LAMA2: variants seen among roughly 807,000 people sequenced by gnomAD.
LAMA2 encodes the protein laminin subunit alpha 2.
LAMA2 carries 269 observed loss-of-function variants against 364.8 expected under a neutral mutation model. The observed-to-expected ratio is 0.74, with a 90% CI of 0.67 to 0.82. The LOEUF (loss-of-function observed/expected upper bound fraction) is 0.82. Among genes scored for constraint, LAMA2 ranks in the 40% least tolerant of loss-of-function variants. LAMA2 has a pLI of 0.00. For missense variants in LAMA2, 3,807 were observed against 3,873.2 expected, an observed-to-expected ratio of 0.98 and a Z score of 0.45; for synonymous variants, 1,379 against 1,370.6, an observed-to-expected ratio of 1.01 and a Z score of -0.14.
chr6:128,908,890 T>G (rs1463022076), intron 1 of LAMA2, among the ~76,000 whole-genome samples: 8 of 148,138 alleles, frequency 5.4e-5, no homozygotes, highest in African/African-American at 1.0e-4. Context: ...CATTTCGTTA[T>G]GTACCCAGTA....
chr6:129,262,488 G>GA (rs1182716733), intron 15 of LAMA2, among the ~76,000 whole-genome samples: 12 of 148,530 alleles, frequency 8.1e-5, no homozygotes, highest in South Asian at 2.1e-4. Flanking sequence ...ATTTGAGTGT[G>GA]AAAAAAAAAG....
chr6:129,089,307 T>C (rs1774657440), intron 3 of LAMA2, among the ~76,000 whole-genome samples: 1 of 152,248 alleles, frequency 6.6e-6, no homozygotes, highest in African/African-American at 2.4e-5. Flanking sequence ...AGTCCCCAAA[T>C]GCTTTGAACT....
chr6:129,344,763 G>A (rs545098818), intron 30 of LAMA2, among the ~76,000 whole-genome samples: 4 of 152,166 alleles, frequency 2.6e-5, no homozygotes, highest in African/African-American at 9.7e-5. Flanking sequence ...TGACACCAAG[G>A]GAGAGAAGAG....
intron 40 of LAMA2, among the ~76,000 whole-genome samples, chr6:129,410,250 A>G (rs1780461220): frequency 6.6e-6 from 1 of 151,696 alleles, no homozygotes; most frequent in Non-Finnish European, 1.5e-5. Flanking sequence ...CCCTTTCTCT[A>G]AGTCAGTGGA....
rs754852588 is a variant in LAMA2, at chr6:129,393,222, T to G, written c.5412T>G (p.Phe1804Leu). The change falls in exon 37 of 65, where the codon TTT (phenylalanine) becomes TTG (leucine). Residue 1804 changes from phenylalanine to leucine, a missense_variant. Physicochemically the swap from Phe to Leu is conservative, Grantham distance 22 (BLOSUM62 0). Around this residue, in one of 3 missense-constraint regions of LAMA2, gnomAD observed 3,333 missense variants for 3,345.7 expected, o/e 1.00. Transcript: ENST00000421865. ...AAATCAGAGAAGCTAATCGCCTATT[T>G]GCAGTAAATCAGAAAAACATGACTG... ...TDKIREANRL[F>L]AVNQKNMTAL... 6.2e-7 allele frequency: 1 copy of G among 1,614,020 alleles called. No individual in the cohort carries two copies. The highest frequency in any genetic ancestry group is 8.5e-7 in the Non-Finnish European group (1 of 1,179,924).
intron 35 of LAMA2, among the ~76,000 whole-genome samples, chr6:129,385,734 C>A (rs558659711): frequency 6.6e-6 from 1 of 152,262 alleles, no homozygotes; most frequent in African/African-American, 2.4e-5. Flanking sequence ...AATGAGTGGA[C>A]ATAGGTAAAC....
rs1319754070 is a variant in LAMA2, at chr6:129,478,565, CGT to C, written c.7452-124_7452-123del. 3.2e-6 allele frequency: 3 copies of C among 934,384 alleles called. No individual in the cohort carries two copies. The African/African-American group carries it at 4.9e-5, about 15-fold the overall frequency. The allele number at this position is 934,384 out of a possible 1,614,324, so 57.9% of individuals were successfully genotyped here. A position where few individuals can be genotyped will look rare whatever the true frequency, so the allele number is the denominator to read the frequency against. ...TGGAAACCAGAGTTTGCTGGGTACA[CGT>C]GTGCACAGTTTGATAGACATGTGCC... On this transcript the variant is annotated intron_variant, in intron 53 of 64. Transcript: ENST00000421865.
intron 12 of LAMA2, among the ~76,000 whole-genome samples, chr6:129,214,389 A>G (rs1308385374): frequency 6.6e-6 from 1 of 152,212 alleles, no homozygotes; most frequent in Non-Finnish European, 1.5e-5. Context: ...TTCCTTTTTA[A>G]AAACCTAATC....
intron 3 of LAMA2, among the ~76,000 whole-genome samples, chr6:129,088,182 G>T (rs1774513442): frequency 6.7e-6 from 1 of 148,340 alleles, no homozygotes; most frequent in African/African-American, 2.5e-5. Context: ...AGTGGACACA[G>T]CACATGTTTC....
chr6:128,990,200 T>C (rs868628230), intron 1 of LAMA2, among the ~76,000 whole-genome samples: 32 of 152,250 alleles, frequency 2.1e-4, no homozygotes, highest in South Asian at 6.2e-4. Context: ...TTTAGCTTTT[T>C]CTGTTTTTTA....
chr6:129,063,874 A>T (rs1389579388), intron 3 of LAMA2, among the ~76,000 whole-genome samples: 1 of 152,218 alleles, frequency 6.6e-6, no homozygotes, highest in Non-Finnish European at 1.5e-5. Flanking sequence ...AATCCATGTG[A>T]ATAGTATAAA....
chr6:129,415,565 G>T (rs1780742392), intron 40 of LAMA2, among the ~76,000 whole-genome samples: 1 of 152,140 alleles, frequency 6.6e-6, no homozygotes, highest in South Asian at 2.1e-4. Flanking sequence ...AACCATGGTG[G>T]CTGGGTGCAG....
chr6:129,098,513 T>C, intron 4 of LAMA2, 98 bp downstream of exon 4: 1 of 1,399,508 alleles, frequency 7.1e-7, no homozygotes, highest in East Asian at 2.3e-5. Flanking sequence ...CAGGGAGATT[T>C]TAAAATAGGA....
chr6:129,271,940 G>A (rs186635991), intron 17 of LAMA2, among the ~76,000 whole-genome samples: 1 of 152,260 alleles, frequency 6.6e-6, no homozygotes, highest in Non-Finnish European at 1.5e-5. Flanking sequence ...AAGACTTTGA[G>A]ATAATTCTAA....
At chr6:129,170,708 T>G (rs1780085021) in intron 9 of LAMA2, among the ~76,000 whole-genome samples, 1 of 152,174 alleles carries the variant, frequency 6.6e-6, no homozygotes. Context: ...GTTCAATTCC[T>G]GGGTATCCTT....
intron 33 of LAMA2, among the ~76,000 whole-genome samples, chr6:129,367,438 T>G (rs907300121): frequency 6.6e-6 from 1 of 152,242 alleles, no homozygotes. Flanking sequence ...CCATGTGTTT[T>G]ACAAACATTC....
chr6:128,889,249 CTT>C (rs1002088804), intron 1 of LAMA2, among the ~76,000 whole-genome samples: 5 of 152,176 alleles, frequency 3.3e-5, no homozygotes, highest in African/African-American at 7.2e-5. Context: ...TTGGAGTTCC[CTT>C]TTTTATTATC....
intron 12 of LAMA2, among the ~76,000 whole-genome samples, chr6:129,210,010 A>AAAAAAAAAAAAAAAC (rs1782986836): frequency 6.6e-6 from 1 of 150,788 alleles, no homozygotes; most frequent in African/African-American, 2.4e-5. Flanking sequence ...TCTCAAAAAA[A>AAAAAAAAAAAAAAAC]AAAAAAAAAA....
chr6:129,359,805 T>G (rs1475732378), intron 32 of LAMA2, among the ~76,000 whole-genome samples: 1 of 152,124 alleles, frequency 6.6e-6, no homozygotes, highest in Non-Finnish European at 1.5e-5. Flanking sequence ...CTTCTTTGGT[T>G]TGGATGCAGT....
Sources: gnomAD v4.1 joint callset for allele counts (sites outside exome capture counted in the v4.1 genomes callset) on GRCh38, gnomAD v4.1.1 for gene constraint, gnomAD v4.1.1 regional missense constraint, MANE v1.5 for transcripts, NCBI Gene and HGNC (gene_info 2026-07-23, HGNC 2026-07-21) for gene names.